Variants in CACNA2D3 observed in about 807,000 individuals in gnomAD.
CACNA2D3 encodes voltage-dependent calcium channel subunit alpha-2/delta-3.
Under a neutral mutation model 160.6 loss-of-function variants are expected in CACNA2D3, and 60 were observed. The observed-to-expected ratio is 0.37, with a 90% confidence interval of 0.30 to 0.46. The LOEUF (loss-of-function observed/expected upper bound fraction) is 0.46. Ranked by LOEUF, CACNA2D3 falls within the 20% of genes least tolerant of loss-of-function variation. The pLI is 1.00. For missense variants in CACNA2D3, 1,205 were observed against 1,365.0 expected (o/e 0.88, Z 1.85); for synonymous variants, 558 against 492.9 (o/e 1.13, Z -1.75).
At chr3:54,188,413 A>G (rs1479311782) in intron 2 of CACNA2D3, among the ~76,000 whole-genome samples, 2 of 152,210 alleles carry the variant, frequency 1.3e-5, no homozygotes, top group Admixed American at 6.5e-5. Flanking sequence ...TTGGTGGTTC[A>G]TGGGTGCTGA....
At chr3:54,354,409 G>A (rs1698614359) in intron 3 of CACNA2D3, among the ~76,000 whole-genome samples, 1 of 152,144 alleles carries the variant, frequency 6.6e-6, no homozygotes. Context: ...TATAAAGTAT[G>A]AAGGATTTTT....
intron 13 of CACNA2D3, among the ~76,000 whole-genome samples, chr3:54,792,729 C>G (rs768374498): frequency 6.6e-6 from 1 of 152,128 alleles, no homozygotes; most frequent in Non-Finnish European, 1.5e-5. Context: ...TGCCCACACT[C>G]AGGGATTTTA....
chr3:54,834,423 C>T (rs901306814), intron 14 of CACNA2D3, among the ~76,000 whole-genome samples: 4 of 152,204 alleles, frequency 2.6e-5, no homozygotes, highest in Admixed American at 2.6e-4. Context: ...TGGGCTGGTT[C>T]TGCCTTTGAA....
At chr3:54,869,879 A>T (rs2703027) in intron 17 of CACNA2D3, among the ~76,000 whole-genome samples, 7,536 of 152,254 alleles carry the variant, frequency 0.049, 299 homozygotes, top group South Asian at 0.11. Context: ...CTAATCTGCT[A>T]TTGTTTACAG....
At chr3:54,598,830 C>G (rs1335290057) in intron 9 of CACNA2D3, among the ~76,000 whole-genome samples, 1 of 152,174 alleles carries the variant, frequency 6.6e-6, no homozygotes, top group Non-Finnish European at 1.5e-5. Context: ...TCAACATAGT[C>G]TCTGAGTAAA....
In CACNA2D3 at chr3:54,354,645, G is replaced by T. The variant is rs146732561; in HGVS notation, c.322-32070G>T. ...ATGCAAAATTAGCCAAAAGGAAAAA[G>T]AAAAACAGGCAAAATGATTTAACTA... On this transcript the variant is annotated intron_variant, in intron 3 of 37. Coordinates refer to ENST00000474759, the MANE Select transcript of CACNA2D3 (RefSeq NM_018398.3). Among the ~76,000 whole-genome samples, 447 of 152,246 alleles carry T rather than the reference G, an allele frequency of 2.9e-3. 4 individuals are homozygous for T. Among genetic ancestry groups the T allele is most frequent in the African/African-American group, 9.9e-3 (410 of 41,558 alleles).
intron 4 of CACNA2D3, among the ~76,000 whole-genome samples, chr3:54,416,532 A>C (rs1021452259): frequency 2.6e-5 from 4 of 152,196 alleles, no homozygotes; most frequent in African/African-American, 9.6e-5. Flanking sequence ...GTGAATTGTT[A>C]GTAATTCATG....
At chr3:54,732,962 G>C (rs548059334) in intron 11 of CACNA2D3, among the ~76,000 whole-genome samples, 1 of 152,176 alleles carries the variant, frequency 6.6e-6, no homozygotes, top group African/African-American at 2.4e-5. Flanking sequence ...CTTGGACATC[G>C]GTGGAAGTAA....
intron 11 of CACNA2D3, among the ~76,000 whole-genome samples, chr3:54,717,724 C>T (rs183332932): frequency 6.9e-4 from 58 of 83,616 alleles, no homozygotes; most frequent in Admixed American, 2.3e-3. Context: ...TGTGCGTGTG[C>T]GGTGTGTGTG....
chr3:54,468,082 G>A (rs1700660863), intron 4 of CACNA2D3, among the ~76,000 whole-genome samples: 1 of 152,198 alleles, frequency 6.6e-6, no homozygotes, highest in African/African-American at 2.4e-5. Context: ...TAGGTCTTTG[G>A]ATGTTTCTAT....
chr3:54,885,367 A>G (rs756082726), intron 22 of CACNA2D3, 41 bp downstream of exon 22: 2 of 1,610,650 alleles, frequency 1.2e-6, no homozygotes, highest in Non-Finnish European at 1.7e-6. Context: ...GGCATCCTTC[A>G]TTGCCCTCTT....
At chr3:54,586,662 T>A (rs1244344632) in intron 9 of CACNA2D3, among the ~76,000 whole-genome samples, 2 of 152,144 alleles carry the variant, frequency 1.3e-5, no homozygotes, top group Non-Finnish European at 2.9e-5. Context: ...AACAACACCA[T>A]CAACCAATGA....
intron 2 of CACNA2D3, among the ~76,000 whole-genome samples, chr3:54,309,782 A>C (rs546749791): frequency 6.6e-6 from 1 of 151,966 alleles, no homozygotes; most frequent in Non-Finnish European, 1.5e-5. Context: ...GTTGCTTTCG[A>C]TATTGGTTCA....
chr3:54,498,086 C>G (rs1701230720), intron 4 of CACNA2D3, among the ~76,000 whole-genome samples: 1 of 150,536 alleles, frequency 6.6e-6, no homozygotes, highest in Non-Finnish European at 1.5e-5. Flanking sequence ...CAAGGTTAGG[C>G]TACCCTCATT....
intron 5 of CACNA2D3, among the ~76,000 whole-genome samples, chr3:54,522,436 G>T (rs111823148): frequency 6.6e-6 from 1 of 152,016 alleles, no homozygotes. Context: ...GGGTTTCTTA[G>T]GAATTTCTAT....
intron 27 of CACNA2D3, among the ~76,000 whole-genome samples, chr3:54,967,318 A>G (rs1478841957): frequency 6.6e-6 from 1 of 152,244 alleles, no homozygotes; most frequent in Non-Finnish European, 1.5e-5. Flanking sequence ...AAGCCAGCAC[A>G]ACAATGATTA....
intron 13 of CACNA2D3, among the ~76,000 whole-genome samples, chr3:54,790,533 A>G (rs1247922971): frequency 1.3e-5 from 2 of 152,198 alleles, no homozygotes; most frequent in African/African-American, 2.4e-5. Flanking sequence ...TTGTTTCACA[A>G]ACTTTAAAAA....
intron 11 of CACNA2D3, among the ~76,000 whole-genome samples, chr3:54,672,905 A>G (rs1276297921): frequency 6.6e-6 from 1 of 152,242 alleles, no homozygotes; most frequent in Non-Finnish European, 1.5e-5. Context: ...AACGATTGTG[A>G]TGATGATAAT....
At position 55,053,618 on chromosome 3, in the gene CACNA2D3, G is replaced by T. The variant is rs151268535; in HGVS notation, c.2988-19827G>T. 5.6e-3 allele frequency among the ~76,000 whole-genome samples: 847 copies of T among 151,972 alleles called. 10 individuals are homozygous for T. Among genetic ancestry groups the T allele is most frequent in the African/African-American group, 0.019 (803 of 41,512 alleles). On this transcript the variant is annotated intron_variant, in intron 35 of 37. Transcript: ENST00000474759. ...GCTACCAAAAAATCCAAGTTGCTTA[G>T]CTATATTGAATTTTATATCCTGCAT... is the stretch of plus-strand genomic sequence containing the variant.
Sources: gnomAD v4.1 joint callset for allele counts (sites outside exome capture counted in the v4.1 genomes callset) on GRCh38, gnomAD v4.1.1 for gene constraint, MANE v1.5 for transcripts, NCBI Gene and HGNC (gene_info 2026-07-23, HGNC 2026-07-21) for gene names.